FBXO9: variants seen among roughly 807,000 people sequenced by gnomAD.
FBXO9 encodes F-box protein 9, also known as F-box only protein 9.
FBXO9 carries 43 observed loss-of-function variants against 63.7 expected under a neutral mutation model. The observed-to-expected ratio is 0.67, with a 90% CI of 0.53 to 0.87. The LOEUF (loss-of-function observed/expected upper bound fraction) is 0.87. Among genes scored for constraint, FBXO9 ranks in the 40% least tolerant of loss-of-function variants. The pLI, the probability that FBXO9 is intolerant of heterozygous loss-of-function variation, is 0.00. For missense variants in FBXO9, 442 were observed against 533.2 expected (o/e 0.83, Z 1.68); for synonymous variants, 156 against 171.7 (o/e 0.91, Z 0.72).
In FBXO9 at chr6:53,078,780, G is replaced by A; in HGVS notation, c.308-19G>A. ...AAAATGTGTGGTCACAGCTAATTTA[G>A]CTTTATTTCTTCTTTTAGCCATCAA... On this transcript the variant is annotated intron_variant, in intron 4 of 12. Coordinates refer to ENST00000323557, the MANE Select transcript of FBXO9 (RefSeq NM_033480.3). 1 of 1,567,468 alleles carries A rather than the reference G, an allele frequency of 6.4e-7. No homozygotes were observed. Among genetic ancestry groups the A allele is most frequent in the East Asian group, 2.2e-5 (1 of 44,574 alleles).
intron 7 of FBXO9, among the ~76,000 whole-genome samples, chr6:53,087,773 A>G (rs1762936023): frequency 6.6e-6 from 1 of 152,252 alleles, no homozygotes; most frequent in African/African-American, 2.4e-5. Flanking sequence ...TTTTATTAAT[A>G]CTAAGAGCAA....
At chr6:53,093,435 G>C in intron 9 of FBXO9, 31 bp from the exon 10 acceptor site, 1 of 1,457,112 alleles carries the variant, frequency 6.9e-7, no homozygotes, top group Non-Finnish European at 9.6e-7. Flanking sequence ...TGTGGGGGGT[G>C]TGTTTTGGTC....
intron 1 of FBXO9, among the ~76,000 whole-genome samples, chr6:53,066,498 A>G (rs1380450264): frequency 6.6e-6 from 1 of 152,256 alleles, no homozygotes; most frequent in Non-Finnish European, 1.5e-5. Context: ...TAAATTGTTC[A>G]TCTGAGAAAC....
Position 53,071,157 on chromosome 6 carries a change from A to C in FBXO9, c.90+14A>C. On this transcript the variant is annotated intron_variant, in intron 2 of 12. Transcript: ENST00000323557. ...ACAGATCTGCAGGCATGTTTCTTCA[A>C]TTGTGTCTTTGATTTTTATTCCATT... 1.3e-6 allele frequency: 2 copies of C among 1,548,840 alleles called. No individual in the cohort carries two copies. Among genetic ancestry groups the C allele is most frequent in the East Asian group, 4.9e-5 (2 of 41,138 alleles).
chr6:53,080,990 A>G lies in FBXO9; in HGVS notation c.430A>G (p.Ser144Gly). 1 of 1,613,820 alleles carries G rather than the reference A, an allele frequency of 6.2e-7. No homozygotes were observed. Reference sequence around the variant, plus strand: ...CAGCATTGAAGATAATGATGATGACAGCAAAATGGCAGATCTCTTGTCCTA... The same window carrying G: ...CAGCATTGAAGATAATGATGATGACGGCAAAATGGCAGATCTCTTGTCCTA... ...NSYIEDNDDD[S>G]KMADLLSYFQ... Residue 144 changes from serine (S) to glycine (G), a missense_variant, in exon 6 of 13, where the codon AGC becomes GGC. By Grantham distance (56) the Ser-to-Gly change is moderately conservative. Around this residue, in one of 2 missense-constraint regions of FBXO9, gnomAD observed 180 missense variants for 171.1 expected, o/e 1.05. Transcript: ENST00000323557.
At position 53,071,226 on chromosome 6, in the gene FBXO9, G is replaced by A. The variant is rs566346429; in HGVS notation, c.90+83G>A. 152 of 1,322,618 alleles carry A rather than the reference G, an allele frequency of 1.1e-4. 1 individual carries two copies. The East Asian group carries it at 3.9e-3, about 34-fold the overall frequency. The allele number at this position is 1,322,618 out of a possible 1,614,324, so 81.9% of individuals were successfully genotyped here. A position where few individuals can be genotyped will look rare whatever the true frequency, so the allele number is the denominator to read the frequency against. ...AAATTGATCATAATCATGGGTATTT[G>A]TAGGTTATTACTGTTTGCATGGAAT... On this transcript the variant is annotated intron_variant, in intron 2 of 12. Transcript: ENST00000323557.
chr6:53,092,340 T>G, intron 7 of FBXO9, 89 bp from the exon 8 acceptor site: 1 of 935,956 alleles, frequency 1.1e-6, no homozygotes, highest in Non-Finnish European at 1.7e-6. Flanking sequence ...CAACAAATAC[T>G]TGCTAAATAA....
chr6:53,092,847 G>T, intron 9 of FBXO9, 23 bp downstream of exon 9: 1 of 1,503,074 alleles, frequency 6.7e-7, no homozygotes, highest in South Asian at 1.2e-5. Flanking sequence ...TACACTGAGT[G>T]AGTGGAAAAT....
intron 1 of FBXO9, among the ~76,000 whole-genome samples, chr6:53,069,079 G>T (rs1768818116): frequency 1.3e-5 from 2 of 152,154 alleles, no homozygotes; most frequent in African/African-American, 4.8e-5. Flanking sequence ...AGGAGTTTGA[G>T]GCCATCCTGG....
At position 53,065,642 on chromosome 6, in the gene FBXO9, TG is replaced by T; in HGVS notation, c.-146del. ...CGGGCCCGCAGTTATTGCCGCTGCC[TG>T]GTGCGCTTCTCCGACCGAGAACTCT... On this transcript the variant is annotated 5_prime_UTR_variant, in exon 1 of 13. The change abolishes the stop of an existing upstream ORF in the 5' untranslated region. Coordinates refer to ENST00000323557, the MANE Select transcript of FBXO9 (RefSeq NM_033480.3). The T allele has an allele frequency of 1.0e-6, 1 of 956,434 alleles. No individual in the cohort carries two copies. 59.2% of individuals were successfully genotyped at this position (956,434 alleles called of 1,614,324 possible).
intron 7 of FBXO9, among the ~76,000 whole-genome samples, chr6:53,089,235 C>A (rs1024170981): frequency 6.6e-6 from 1 of 152,104 alleles, no homozygotes; most frequent in East Asian, 1.9e-4. Flanking sequence ...CCACCAGGCC[C>A]GGCTAATTTT....
rs1451504173 is a variant in FBXO9 at position 53,100,003 on chromosome 6, GT to G, written c.*2174del. On this transcript the variant is annotated 3_prime_UTR_variant, in exon 13 of 13. Transcript: ENST00000323557. ...TAGATTGAATGATCTGTTGCAGATG[GT>G]GGATACCAAGTTCAAATTTAAAGAT... The G allele has an allele frequency of 1.3e-5, 2 of 152,192 alleles. No homozygotes were observed. The highest frequency in any genetic ancestry group is 2.9e-5 in the Non-Finnish European group (2 of 68,018). The allele number at this position is 152,192 out of a possible 1,614,324, so 9.4% of individuals were successfully genotyped here. A position where few individuals can be genotyped will look rare whatever the true frequency, so the allele number is the denominator to read the frequency against.
chr6:53,071,245 A>G (rs1407951199), intron 2 of FBXO9, 102 bp downstream of exon 2: 16 of 1,143,608 alleles, frequency 1.4e-5, no homozygotes, highest in African/African-American at 3.1e-5. Flanking sequence ...TACTGTTTGC[A>G]TGGAATTTAA....
rs1562069227 is a variant in FBXO9, at chr6:53,082,565, C to T, written c.600C>T (p.Leu200=). 4 of 1,613,788 alleles carry T rather than the reference C, an allele frequency of 2.5e-6. No individual in the cohort carries two copies. The highest frequency in any genetic ancestry group is 3.4e-6 in the Non-Finnish European group (4 of 1,179,752). Residue 200 remains leucine (L), a synonymous_variant, in exon 7 of 13, where the codon CTC becomes CTT. Transcript: ENST00000323557. ...FRWVVSSDLD[L]RSLEQLSLVC... ...GGGTGGTGTCTAGTGACTTGGACCT[C>T]AGATCATTGGAGCAGTTGTCGCTGG...
chr6:53,075,292 C>T (rs1267189082), intron 3 of FBXO9, among the ~76,000 whole-genome samples: 5 of 151,396 alleles, frequency 3.3e-5, no homozygotes, highest in East Asian at 3.9e-4. Context: ...CCGTCAGTAA[C>T]GCTGGGCTAA....
chr6:53,097,349 A>G (rs1208700268), intron 12 of FBXO9, among the ~76,000 whole-genome samples: 1 of 152,156 alleles, frequency 6.6e-6, no homozygotes, highest in African/African-American at 2.4e-5. Context: ...CACAACCTAA[A>G]TCTCCAATTA....
At chr6:53,071,726 T>C (rs1283169790) in intron 2 of FBXO9, among the ~76,000 whole-genome samples, 1 of 152,242 alleles carries the variant, frequency 6.6e-6, no homozygotes, top group East Asian at 1.9e-4. Context: ...CATGAAAATG[T>C]AAATTGGTAC....
chr6:53,069,083 A>G (rs1267980816), intron 1 of FBXO9, among the ~76,000 whole-genome samples: 2 of 152,204 alleles, frequency 1.3e-5, no homozygotes, highest in Non-Finnish European at 2.9e-5. Context: ...GTTTGAGGCC[A>G]TCCTGGGCTG....
At chr6:53,092,400 T>G in intron 7 of FBXO9, 29 bp from the exon 8 acceptor site, 1 of 1,522,756 alleles carries the variant, frequency 6.6e-7, no homozygotes. Flanking sequence ...GGACTTAGTT[T>G]TTATTGACAT....
Sources: allele counts gnomAD v4.1 joint callset (sites outside exome capture counted in the v4.1 genomes callset), GRCh38; gene constraint gnomAD v4.1.1; regional missense constraint gnomAD v4.1.1; transcripts MANE v1.5; gene names NCBI Gene and HGNC (gene_info 2026-07-23, HGNC 2026-07-21).